Variants in UBE2E2 observed in about 807,000 individuals in gnomAD.
UBE2E2 encodes ubiquitin conjugating enzyme E2 E2, also known as ubiquitin-conjugating enzyme E2 E2.
In UBE2E2, 6 loss-of-function variants were observed where a neutral mutation model predicts 24.7. The observed-to-expected ratio is 0.24, with a 90% CI of 0.13 to 0.48. The LOEUF (loss-of-function observed/expected upper bound fraction) is 0.48. Ranked by LOEUF, UBE2E2 falls within the 20% of genes least tolerant of loss-of-function variation. The pLI, the probability that UBE2E2 is intolerant of heterozygous loss-of-function variation, is 0.99. For synonymous variants in UBE2E2, 104 were observed against 83.6 expected, an observed-to-expected ratio of 1.24 and a Z score of -1.33; for missense variants, 169 against 245.0, an observed-to-expected ratio of 0.69 and a Z score of 2.07.
chr3:23,576,175 A>G (rs1012556286), intron 5 of UBE2E2, among the ~76,000 whole-genome samples: 1 of 152,172 alleles, frequency 6.6e-6, no homozygotes, highest in African/African-American at 2.4e-5. Context: ...TAATTTTATA[A>G]AAGATTTAAA....
intron 3 of UBE2E2, among the ~76,000 whole-genome samples, chr3:23,243,793 A>G (rs879250553): frequency 6.7e-6 from 1 of 149,496 alleles, no homozygotes; most frequent in African/African-American, 2.5e-5. Flanking sequence ...AAATTTTTCT[A>G]TGTAGTCCTC....
At chr3:23,398,242 G>T (rs999354471) in intron 3 of UBE2E2, among the ~76,000 whole-genome samples, 1 of 146,296 alleles carries the variant, frequency 6.8e-6, no homozygotes, top group Non-Finnish European at 1.5e-5. Context: ...GAACCTGGGA[G>T]GCAGAGGTTT....
rs150064735 is a variant in UBE2E2 at position 23,568,048 on chromosome 3, C to A, written c.509-21686C>A. Among the ~76,000 whole-genome samples the A allele has an allele frequency of 6.2e-3, 952 of 152,346 alleles. 41 individuals are homozygous for A. Among genetic ancestry groups the A allele is most frequent in the Admixed American group, 0.058 (887 of 15,296 alleles). ...ACACTTTCAGTGGACAGTCACTCCT[C>A]AGCACAGACAGCACCCATGTGACTC... On this transcript the variant is annotated intron_variant, in intron 5 of 5. Transcript: ENST00000396703.
intron 4 of UBE2E2, among the ~76,000 whole-genome samples, chr3:23,524,245 C>A (rs1694937393): frequency 6.6e-6 from 1 of 151,842 alleles, no homozygotes; most frequent in South Asian, 2.1e-4. Context: ...ATATTTATGC[C>A]TTTCATGATC....
At chr3:23,388,213 AT>A (rs376720296) in intron 3 of UBE2E2, among the ~76,000 whole-genome samples, 49 of 152,348 alleles carry the variant, frequency 3.2e-4, no homozygotes, top group African/African-American at 1.1e-3. Context: ...CTATTAGTAA[AT>A]AAGGACTGCT....
intron 3 of UBE2E2, among the ~76,000 whole-genome samples, chr3:23,451,633 A>G (rs1245022849): frequency 6.6e-6 from 1 of 152,234 alleles, no homozygotes; most frequent in African/African-American, 2.4e-5. Flanking sequence ...GAAATCCAAA[A>G]TAAGCTAATA....
intron 3 of UBE2E2, among the ~76,000 whole-genome samples, chr3:23,463,714 A>G (rs774973281): frequency 6.6e-5 from 10 of 152,090 alleles, no homozygotes; most frequent in Non-Finnish European, 1.5e-4. Flanking sequence ...TTTCTCCTTA[A>G]TTACCACACA....
At chr3:23,405,548 T>G (rs939557857) in intron 3 of UBE2E2, among the ~76,000 whole-genome samples, 4 of 152,144 alleles carry the variant, frequency 2.6e-5, no homozygotes, top group African/African-American at 7.2e-5. Flanking sequence ...TAAAATTTTA[T>G]TAGGGATTTT....
chr3:23,317,560 G>A (rs544199028), intron 3 of UBE2E2, among the ~76,000 whole-genome samples: 131 of 152,266 alleles, frequency 8.6e-4, no homozygotes, highest in African/African-American at 2.6e-3. Flanking sequence ...TTACAGTTCC[G>A]CATGGCTGGG....
intron 3 of UBE2E2, among the ~76,000 whole-genome samples, chr3:23,251,379 C>T (rs1697570511): frequency 2.0e-5 from 3 of 152,162 alleles, no homozygotes; most frequent in African/African-American, 7.2e-5. Flanking sequence ...TTGTGTATCT[C>T]TTATTGTAAG....
At chr3:23,312,085 C>A (rs1437980069) in intron 3 of UBE2E2, among the ~76,000 whole-genome samples, 3 of 151,762 alleles carry the variant, frequency 2.0e-5, no homozygotes, top group African/African-American at 7.3e-5. Context: ...GTATGTAGCA[C>A]CTCCCTCCTC....
chr3:23,356,228 A>G (rs938813205), intron 3 of UBE2E2, among the ~76,000 whole-genome samples: 15 of 152,330 alleles, frequency 9.8e-5, no homozygotes, highest in African/African-American at 3.6e-4. Context: ...ATTATGGTAT[A>G]TACCCATTGA....
intron 3 of UBE2E2, among the ~76,000 whole-genome samples, chr3:23,253,315 G>GA (rs1460318685): frequency 6.6e-6 from 1 of 152,174 alleles, no homozygotes; most frequent in African/African-American, 2.4e-5. Context: ...GACAGGCAGA[G>GA]AATGACAAAC....
intron 3 of UBE2E2, among the ~76,000 whole-genome samples, chr3:23,370,101 T>G (rs1017140485): frequency 6.6e-6 from 1 of 152,168 alleles, no homozygotes; most frequent in African/African-American, 2.4e-5. Context: ...CTGTTGCATG[T>G]TTGTTTCCCC....
intron 3 of UBE2E2, among the ~76,000 whole-genome samples, chr3:23,247,565 G>T (rs370958503): frequency 2.6e-5 from 4 of 152,226 alleles, no homozygotes; most frequent in South Asian, 2.1e-4. Flanking sequence ...TATTGGTCAG[G>T]CTGGTCTCAA....
At chr3:23,546,752 C>A (rs890737595) in intron 5 of UBE2E2, among the ~76,000 whole-genome samples, 1 of 151,920 alleles carries the variant, frequency 6.6e-6, no homozygotes, top group Non-Finnish European at 1.5e-5. Context: ...GGATTACAGG[C>A]ATGAGCCACC....
intron 3 of UBE2E2, among the ~76,000 whole-genome samples, chr3:23,258,816 C>T (rs570439193): frequency 1.4e-3 from 208 of 148,974 alleles, no homozygotes; most frequent in Middle Eastern, 6.9e-3. Flanking sequence ...TGGCGTGAAC[C>T]CGGGAGGCGG....
chr3:23,271,304 TCTGGTGGGTTTGTGGTC>T, intron 3 of UBE2E2: 1 of 294,858 alleles, frequency 3.4e-6, no homozygotes, highest in East Asian at 8.8e-5. Flanking sequence ...GTTTCTTCCT[TCTGGTGGGTTTGTGGTC>T]TTGCTGGCTT....
At chr3:23,210,997 G>T (rs899989665) in intron 2 of UBE2E2, among the ~76,000 whole-genome samples, 1 of 152,096 alleles carries the variant, frequency 6.6e-6, no homozygotes, top group African/African-American at 2.4e-5. Context: ...TAGTGAAGTT[G>T]TTGGTTCTTT....
Sources: allele counts gnomAD v4.1 joint callset (sites outside exome capture counted in the v4.1 genomes callset), GRCh38; gene constraint gnomAD v4.1.1; transcripts MANE v1.5; gene names NCBI Gene and HGNC (gene_info 2026-07-23, HGNC 2026-07-21).